The following PDE4D variants were observed in gnomAD, a reference collection of about 807,000 sequenced individuals.
PDE4D encodes phosphodiesterase 4D.
In PDE4D, 24 loss-of-function variants were observed where a neutral mutation model predicts 87.4. That is an observed-to-expected ratio of 0.27 (90% CI 0.20 to 0.39). The LOEUF (loss-of-function observed/expected upper bound fraction) is 0.39. Among genes scored for constraint, PDE4D ranks in the 10% least tolerant of loss-of-function variants. The pLI is 1.00. For synonymous variants in PDE4D, 384 were observed against 383.2 expected, an observed-to-expected ratio of 1.00 and a Z score of -0.02; for missense variants, 714 against 1,041.0, an observed-to-expected ratio of 0.69 and a Z score of 4.32.
intron 1 of PDE4D, among the ~76,000 whole-genome samples, chr5:59,770,584 GCAAAA>G (rs888578958): frequency 2.6e-5 from 4 of 152,190 alleles, no homozygotes; most frequent in South Asian, 2.1e-4. Flanking sequence ...TTAGTTTTGT[GCAAAA>G]CAAAACAAAA....
chr5:59,484,081 C>T (rs1804702006), intron 1 of PDE4D, among the ~76,000 whole-genome samples: 1 of 152,174 alleles, frequency 6.6e-6, no homozygotes, highest in African/African-American at 2.4e-5. Context: ...GCAGGGCTGA[C>T]TCCCAGCTCC....
At chr5:60,181,352 T>C (rs1784361583) in intron 2 of PDE4D, among the ~76,000 whole-genome samples, 1 of 152,192 alleles carries the variant, frequency 6.6e-6, no homozygotes, top group Non-Finnish European at 1.5e-5. Context: ...GGGAGCCTAC[T>C]GGGAAAAATT....
At chr5:59,701,420 G>A (rs562290150) in intron 1 of PDE4D, among the ~76,000 whole-genome samples, 27 of 152,180 alleles carry the variant, frequency 1.8e-4, no homozygotes, top group South Asian at 8.3e-4. Flanking sequence ...TATTATTTAT[G>A]TTAGTGTCTT....
intron 1 of PDE4D, among the ~76,000 whole-genome samples, chr5:59,882,118 G>A (rs1749515593): frequency 1.3e-5 from 2 of 152,098 alleles, no homozygotes; most frequent in African/African-American, 4.8e-5. Context: ...ATAAGTATGG[G>A]TTTCTTAGAA....
chr5:60,298,878 T>C (rs1341541086), intron 1 of PDE4D, among the ~76,000 whole-genome samples: 2 of 152,184 alleles, frequency 1.3e-5, no homozygotes, highest in Non-Finnish European at 2.9e-5. Context: ...ATTAGAAATA[T>C]ATCACAGTAA....
chr5:59,406,760 G>T (rs1029910394), intron 1 of PDE4D, among the ~76,000 whole-genome samples: 1 of 152,018 alleles, frequency 6.6e-6, no homozygotes, highest in East Asian at 1.9e-4. Flanking sequence ...ACTCTCTTTT[G>T]TTCTTACTTG....
At chr5:59,406,833 C>A (rs78686049) in intron 1 of PDE4D, among the ~76,000 whole-genome samples, 1 of 152,014 alleles carries the variant, frequency 6.6e-6, no homozygotes, top group Non-Finnish European at 1.5e-5. Flanking sequence ...TCTAGGGCTA[C>A]GAAGTTTATT....
At chr5:59,773,298 C>A (rs79455915) in intron 1 of PDE4D, among the ~76,000 whole-genome samples, 2,260 of 152,292 alleles carry the variant, frequency 0.015, 62 homozygotes, top group African/African-American at 0.052. Context: ...GGATTTAAAT[C>A]TGTGTCTATG....
intron 1 of PDE4D, among the ~76,000 whole-genome samples, chr5:60,360,938 G>A (rs1270378414): frequency 6.6e-6 from 1 of 152,170 alleles, no homozygotes; most frequent in African/African-American, 2.4e-5. Context: ...ATTATTTTAG[G>A]AAATGAACTA....
At chr5:59,595,862 ATGTAT>A (rs1465297366) in intron 1 of PDE4D, among the ~76,000 whole-genome samples, 4 of 152,044 alleles carry the variant, frequency 2.6e-5, no homozygotes, top group Non-Finnish European at 4.4e-5. Context: ...GACATAGTAG[ATGTAT>A]TGTATGGTCC....
chr5:60,113,165 G>T (rs1393058291), intron 2 of PDE4D, among the ~76,000 whole-genome samples: 1 of 152,070 alleles, frequency 6.6e-6, no homozygotes, highest in Non-Finnish European at 1.5e-5. Context: ...ATGTAACTCT[G>T]TGTTCACCAT....
chr5:59,752,147 A>G (rs1001599636), intron 1 of PDE4D, among the ~76,000 whole-genome samples: 1 of 152,192 alleles, frequency 6.6e-6, no homozygotes, highest in African/African-American at 2.4e-5. Flanking sequence ...GAGAACAAAG[A>G]CAATGCCCCA....
At chr5:59,598,317 T>C (rs935289554) in intron 1 of PDE4D, among the ~76,000 whole-genome samples, 13 of 152,240 alleles carry the variant, frequency 8.5e-5, no homozygotes, top group Admixed American at 8.5e-4. Context: ...ACCCTCCCTT[T>C]CCCTTTAGAT....
At chr5:59,468,088 C>T (rs897164917) in intron 1 of PDE4D, among the ~76,000 whole-genome samples, 1 of 152,136 alleles carries the variant, frequency 6.6e-6, no homozygotes, top group South Asian at 2.1e-4. Flanking sequence ...TGAATAATTT[C>T]CAGCCTGGGA....
intron 1 of PDE4D, among the ~76,000 whole-genome samples, chr5:60,198,257 C>T (rs756875356): frequency 0.014 from 2,176 of 151,356 alleles, 71 homozygotes; most frequent in Middle Eastern, 0.034. Flanking sequence ...GTTTTAATTC[C>T]TTTGTTCTTA....
At chr5:59,193,966 T>C (rs934099289) in intron 2 of PDE4D, among the ~76,000 whole-genome samples, 4 of 152,202 alleles carry the variant, frequency 2.6e-5, no homozygotes, top group African/African-American at 9.6e-5. Flanking sequence ...CATGGAGTGT[T>C]CCACATCATC....
chr5:59,665,922 C>T (rs1746005553), intron 1 of PDE4D, among the ~76,000 whole-genome samples: 1 of 152,156 alleles, frequency 6.6e-6, no homozygotes, highest in Non-Finnish European at 1.5e-5. Context: ...CAGCCTCCAG[C>T]ACTATGAGAA....
chr5:60,252,690 A>G (rs1231133802), intron 1 of PDE4D, among the ~76,000 whole-genome samples: 1 of 151,890 alleles, frequency 6.6e-6, no homozygotes, highest in African/African-American at 2.4e-5. Context: ...ACTCCTATGG[A>G]AAGAGTGGGG....
rs573366178 is a variant in PDE4D, at chr5:59,428,790, G to A, written c.456-212822C>T. On this transcript the variant is annotated intron_variant, in intron 1 of 14. Coordinates refer to ENST00000340635, the MANE Select transcript of PDE4D (RefSeq NM_001104631.2). The stretch of plus-strand genomic sequence containing the variant: ...TGTTTGTTGTCATATTTATCCTTTC[G>A]TAGAATGAAAGCTCCAGATGTAATA... 8.7e-4 allele frequency among the ~76,000 whole-genome samples: 132 copies of A among 152,060 alleles called. 1 individual carries two copies. The highest frequency in any genetic ancestry group is 3.0e-3 in the African/African-American group (123 of 41,496).
Sources: gnomAD v4.1 joint callset for allele counts (sites outside exome capture counted in the v4.1 genomes callset) on GRCh38, gnomAD v4.1.1 for gene constraint, MANE v1.5 for transcripts, NCBI Gene and HGNC (gene_info 2026-07-23, HGNC 2026-07-21) for gene names.